Variants in PIK3AP1 observed in about 807,000 individuals in gnomAD.
PIK3AP1 encodes the protein phosphoinositide-3-kinase adaptor protein 1, also known as phosphoinositide 3-kinase adapter protein 1.
Under a neutral mutation model 88.1 loss-of-function variants are expected in PIK3AP1, and 21 were observed. That is an observed-to-expected ratio of 0.24 (90% CI 0.17 to 0.34). The LOEUF is 0.34. Among genes scored for constraint, PIK3AP1 ranks in the 10% least tolerant of loss-of-function variants. The pLI is 1.00. For synonymous variants in PIK3AP1, 398 were observed against 400.0 expected, an observed-to-expected ratio of 1.00 and a Z score of 0.06; for missense variants, 828 against 1,035.7, an observed-to-expected ratio of 0.80 and a Z score of 2.75.
rs1328565818 is a variant in PIK3AP1 at position 96,636,576 on chromosome 10, T to C, written c.1376-8083A>G. Among the ~76,000 whole-genome samples, 3 of 152,226 alleles carry C rather than the reference T, an allele frequency of 2.0e-5. No homozygotes were observed. The East Asian group carries it at 5.8e-4, about 29-fold the overall frequency. On this transcript the variant is annotated intron_variant, in intron 8 of 16. Transcript: ENST00000339364. ...AGGGAAATCAGAACAAATCCCTGCA[T>C]TCCTGGATGCTCAGGGCTTGTACTT...
intron 10 of PIK3AP1, 41 bp downstream of exon 10, chr10:96,626,667 C>T: frequency 3.8e-6 from 6 of 1,592,654 alleles, no homozygotes; most frequent in Non-Finnish European, 5.1e-6. Flanking sequence ...TGTTGAGAAG[C>T]TCCAAAGACC....
intron 2 of PIK3AP1, among the ~76,000 whole-genome samples, chr10:96,705,521 T>A (rs910400505): frequency 6.6e-6 from 1 of 151,752 alleles, no homozygotes; most frequent in African/African-American, 2.4e-5. Context: ...AATCAATAAC[T>A]CCACAATTAT....
intron 7 of PIK3AP1, among the ~76,000 whole-genome samples, chr10:96,647,258 G>A (rs1843472547): frequency 6.6e-6 from 1 of 152,202 alleles, no homozygotes; most frequent in Non-Finnish European, 1.5e-5. Flanking sequence ...CAAACTAGGT[G>A]CAAATCCTGT....
At chr10:96,672,855 A>C (rs2134255376) in intron 2 of PIK3AP1, among the ~76,000 whole-genome samples, 1 of 152,298 alleles carries the variant, frequency 6.6e-6, no homozygotes, top group South Asian at 2.1e-4. Flanking sequence ...GGTCAGCTGG[A>C]GTTGTCTCAG....
At chr10:96,719,165 A>G (rs1250663004) in intron 1 of PIK3AP1, among the ~76,000 whole-genome samples, 1 of 152,224 alleles carries the variant, frequency 6.6e-6, no homozygotes. Flanking sequence ...CTGGAGAGCC[A>G]GGAGGCTGTG....
rs559482850 is a variant in PIK3AP1, at chr10:96,701,839, T to C, written c.430+7728A>G. 3.3e-5 allele frequency among the ~76,000 whole-genome samples: 5 copies of C among 152,312 alleles called. 1 individual carries two copies. Among genetic ancestry groups the C allele is most frequent in the Admixed American group, 3.3e-4 (5 of 15,302 alleles). The stretch of plus-strand genomic sequence containing the variant: ...TGTATGAACATTTATTGCAATATTA[T>C]TTATAAAAGGGGAAAAATTAGAACT... On this transcript the variant is annotated intron_variant, in intron 2 of 16. Coordinates refer to ENST00000339364, the MANE Select transcript of PIK3AP1 (RefSeq NM_152309.3).
At chr10:96,692,727 T>C (rs909307621) in intron 2 of PIK3AP1, among the ~76,000 whole-genome samples, 4 of 152,216 alleles carry the variant, frequency 2.6e-5, no homozygotes, top group Non-Finnish European at 5.9e-5. Flanking sequence ...ATAAAAGGGG[T>C]ATAGCTCAGT....
intron 2 of PIK3AP1, among the ~76,000 whole-genome samples, chr10:96,660,885 G>A (rs567792699): frequency 3.9e-5 from 6 of 152,148 alleles, no homozygotes; most frequent in African/African-American, 1.4e-4. Context: ...ATATTACTAA[G>A]TGAAAGAAGT....
chr10:96,719,918 T>A (rs1354827582), intron 1 of PIK3AP1, among the ~76,000 whole-genome samples: 1 of 152,142 alleles, frequency 6.6e-6, no homozygotes, highest in African/African-American at 2.4e-5. Flanking sequence ...TGGGGAACTG[T>A]CCCAAGGGCC....
chr10:96,628,879 T>TATACATAC (rs1564961151), intron 8 of PIK3AP1, among the ~76,000 whole-genome samples: 1 of 10,438 alleles, frequency 9.6e-5, no homozygotes, highest in East Asian at 8.8e-3. Flanking sequence ...TATACACATA[T>TATACATAC]ATATATATAC....
chr10:96,692,253 G>A (rs979636415), intron 2 of PIK3AP1, among the ~76,000 whole-genome samples: 4 of 152,212 alleles, frequency 2.6e-5, no homozygotes, highest in African/African-American at 7.2e-5. Flanking sequence ...CAATACAGCT[G>A]TTTTAAAAAA....
At chr10:96,698,694 C>T (rs1844253729) in intron 2 of PIK3AP1, among the ~76,000 whole-genome samples, 1 of 152,046 alleles carries the variant, frequency 6.6e-6, no homozygotes, top group Admixed American at 6.6e-5. Flanking sequence ...GATCATGCCA[C>T]TGCACTCCAG....
chr10:96,598,034 T>G (rs1848810146), intron 16 of PIK3AP1, among the ~76,000 whole-genome samples: 1 of 127,108 alleles, frequency 7.9e-6, no homozygotes, highest in African/African-American at 2.9e-5. Flanking sequence ...GTTTTTTTTG[T>G]TTTTTTGTTG....
At chr10:96,671,497 C>G (rs1309355249) in intron 2 of PIK3AP1, among the ~76,000 whole-genome samples, 4 of 151,998 alleles carry the variant, frequency 2.6e-5, no homozygotes, top group Admixed American at 2.6e-4. Flanking sequence ...CCAGCTACCC[C>G]CAAAGTCACA....
intron 8 of PIK3AP1, chr10:96,632,821 T>C (rs1843262381): frequency 8.3e-6 from 13 of 1,569,222 alleles, no homozygotes; most frequent in Admixed American, 5.4e-5. Flanking sequence ...TCTGGCTGTA[T>C]TGACTACACA....
intron 2 of PIK3AP1, among the ~76,000 whole-genome samples, chr10:96,677,808 T>C (rs1323452625): frequency 1.3e-5 from 2 of 152,148 alleles, no homozygotes; most frequent in African/African-American, 4.8e-5. Context: ...CTAATCAACA[T>C]TGGGATCAGG....
chr10:96,598,556 G>A (rs1308380712), intron 16 of PIK3AP1, among the ~76,000 whole-genome samples: 5 of 151,880 alleles, frequency 3.3e-5, no homozygotes, highest in Non-Finnish European at 7.4e-5. Flanking sequence ...AGGGATAGGA[G>A]AAAAAAAATT....
intron 16 of PIK3AP1, among the ~76,000 whole-genome samples, chr10:96,599,708 C>T (rs1218899968): frequency 6.6e-6 from 1 of 152,158 alleles, no homozygotes; most frequent in East Asian, 1.9e-4. Flanking sequence ...GCTCAAATAT[C>T]CCCGTATTTT....
At chr10:96,715,167 C>T (rs1844486127) in intron 1 of PIK3AP1, among the ~76,000 whole-genome samples, 1 of 152,192 alleles carries the variant, frequency 6.6e-6, no homozygotes, top group Admixed American at 6.5e-5. Flanking sequence ...GGTCTTCCTC[C>T]CTGAAACCCA....
Sources: allele counts gnomAD v4.1 joint callset (sites outside exome capture counted in the v4.1 genomes callset), GRCh38; gene constraint gnomAD v4.1.1; transcripts MANE v1.5; gene names NCBI Gene and HGNC (gene_info 2026-07-23, HGNC 2026-07-21).